Variants in DTNA observed in about 807,000 individuals in gnomAD.
DTNA encodes the protein dystrophin-related protein 3.
In DTNA, 43 loss-of-function variants were observed where a neutral mutation model predicts 100.7. The ratio of observed to expected loss-of-function variants is 0.43; its 90% CI spans 0.33 to 0.55. The LOEUF (loss-of-function observed/expected upper bound fraction) is 0.55, where lower values mean the gene tolerates loss of function less well. DTNA is among the 20% of genes least tolerant of loss of function. DTNA has a pLI of 0.04. For missense variants in DTNA, 798 were observed against 953.9 expected (o/e 0.84, Z 2.15); for synonymous variants, 349 against 347.9 (o/e 1.00, Z -0.04).
At chr18:34,696,311 G>T (rs940179584) in intron 1 of DTNA, among the ~76,000 whole-genome samples, 1 of 152,164 alleles carries the variant, frequency 6.6e-6, no homozygotes, top group African/African-American at 2.4e-5. Context: ...GGGCATGGTG[G>T]CTCATGCCTG....
intron 2 of DTNA, among the ~76,000 whole-genome samples, chr18:34,761,448 T>G (rs8099437): frequency 0.78 from 118,744 of 151,946 alleles, 47,026 homozygotes; most frequent in East Asian, 0.96. Context: ...TGATTGGTTG[T>G]TTGAATGAAC....
At chr18:34,790,900 C>T (rs901811282) in intron 3 of DTNA, among the ~76,000 whole-genome samples, 1 of 152,162 alleles carries the variant, frequency 6.6e-6, no homozygotes, top group Non-Finnish European at 1.5e-5. Flanking sequence ...AGGAGATATA[C>T]AGTCCATAGG....
intron 3 of DTNA, among the ~76,000 whole-genome samples, chr18:34,783,729 G>A (rs1202364350): frequency 1.3e-5 from 2 of 152,188 alleles, no homozygotes; most frequent in African/African-American, 4.8e-5. Context: ...ATGGCGGATA[G>A]CTTCAGTGTA....
intron 4 of DTNA, among the ~76,000 whole-genome samples, chr18:34,801,395 C>T (rs1337701345): frequency 6.6e-6 from 1 of 151,856 alleles, no homozygotes; most frequent in Non-Finnish European, 1.5e-5. Flanking sequence ...TTCCACTATG[C>T]CAAAAGACTA....
At chr18:34,640,322 AAGAC>A (rs1443593191) in intron 1 of DTNA, among the ~76,000 whole-genome samples, 9 of 152,268 alleles carry the variant, frequency 5.9e-5, no homozygotes, top group East Asian at 3.9e-4. Context: ...CTCAGGCTGA[AAGAC>A]AGGCATCCAT....
intron 1 of DTNA, among the ~76,000 whole-genome samples, chr18:34,619,406 G>A (rs949007285): frequency 6.6e-6 from 1 of 152,110 alleles, no homozygotes; most frequent in Non-Finnish European, 1.5e-5. Flanking sequence ...CTCAAACCAG[G>A]AAGAATAGCA....
At chr18:34,781,477 A>G (rs1054962664) in intron 3 of DTNA, among the ~76,000 whole-genome samples, 9 of 152,182 alleles carry the variant, frequency 5.9e-5, no homozygotes, top group Admixed American at 5.9e-4. Context: ...AGATCACTAA[A>G]ACTTATCCCA....
chr18:34,669,159 C>T (rs9958864), intron 1 of DTNA, among the ~76,000 whole-genome samples: 42,918 of 151,972 alleles, frequency 0.28, 7,466 homozygotes, highest in African/African-American at 0.49. Context: ...CTTGTTAAAT[C>T]GATACCTTTA....
chr18:34,583,109 A>T (rs1282851985), intron 1 of DTNA, among the ~76,000 whole-genome samples: 1 of 152,236 alleles, frequency 6.6e-6, no homozygotes, highest in South Asian at 2.1e-4. Flanking sequence ...ATTTATAATT[A>T]TATATGTTCA....
chr18:34,875,145 A>G (rs1168058489), intron 17 of DTNA, 94 bp from the exon 18 acceptor site: 1 of 1,538,648 alleles, frequency 6.5e-7, no homozygotes, highest in Non-Finnish European at 8.8e-7. Flanking sequence ...TTGAAATTTC[A>G]TTGTCACTGT....
chr18:34,702,269 A>T (rs1400497871), intron 1 of DTNA, among the ~76,000 whole-genome samples: 1 of 152,168 alleles, frequency 6.6e-6, no homozygotes, highest in Non-Finnish European at 1.5e-5. Context: ...ATCACCTCAG[A>T]TGTGACATTC....
upstream of DTNA, chr18:34,708,298 A>G (rs959121398): frequency 5.3e-5 from 8 of 152,176 alleles, no homozygotes; most frequent in Admixed American, 5.2e-4. Context: ...AATATTGGTT[A>G]ATTACTAGAA....
intron 5 of DTNA, among the ~76,000 whole-genome samples, chr18:34,807,840 G>A (rs970835843): frequency 3.4e-5 from 5 of 145,590 alleles, no homozygotes; most frequent in African/African-American, 1.3e-4. Context: ...TGCTGACACC[G>A]AGGGCTTTTT....
intron 1 of DTNA, among the ~76,000 whole-genome samples, chr18:34,747,617 C>T (rs1171116164): frequency 6.6e-6 from 1 of 152,104 alleles, no homozygotes. Flanking sequence ...TCCTAAGTTA[C>T]TTCACTAAAA....
In DTNA at chr18:34,884,749, C is replaced by T; in HGVS notation, c.*4C>T. ...ACAGGTCAGCTTGCAAGGTTGAATG[C>T]AATATCCTTTTATCACACTCCTCTC... is the stretch of plus-strand genomic sequence containing the variant. On this transcript the variant is annotated 3_prime_UTR_variant, in exon 22 of 23. Transcript: ENST00000444659. 1 of 1,614,076 alleles carries T rather than the reference C, an allele frequency of 6.2e-7. No homozygotes were observed. The highest frequency in any genetic ancestry group is 8.5e-7 in the Non-Finnish European group (1 of 1,179,960).
chr18:34,569,600 C>A (rs373757909), intron 1 of DTNA, among the ~76,000 whole-genome samples: 7 of 152,204 alleles, frequency 4.6e-5, no homozygotes, highest in African/African-American at 1.4e-4. Flanking sequence ...ATAGGATGTG[C>A]ATATATAGAA....
chr18:34,773,585 C>T (rs893434899), intron 3 of DTNA, among the ~76,000 whole-genome samples: 1 of 152,178 alleles, frequency 6.6e-6, no homozygotes, highest in Non-Finnish European at 1.5e-5. Context: ...GATGTTGAAT[C>T]ATTCTAGACA....
At chr18:34,731,207 C>T (rs951998905) in intron 1 of DTNA, among the ~76,000 whole-genome samples, 9 of 152,160 alleles carry the variant, frequency 5.9e-5, no homozygotes, top group Admixed American at 4.6e-4. Context: ...TGGCCGGGCG[C>T]GGTGGCTCAC....
chr18:34,820,093 A>T (rs2095675941), intron 8 of DTNA, among the ~76,000 whole-genome samples: 2 of 151,830 alleles, frequency 1.3e-5, no homozygotes, highest in Admixed American at 6.6e-5. Flanking sequence ...AAATTTCCCA[A>T]CAATCTAAAC....
Sources: gnomAD v4.1 joint callset for allele counts (sites outside exome capture counted in the v4.1 genomes callset) on GRCh38, gnomAD v4.1.1 for gene constraint, MANE v1.5 for transcripts, NCBI Gene and HGNC (gene_info 2026-07-23, HGNC 2026-07-21) for gene names.